The following CYP7B1 variants were observed in gnomAD, a reference collection of about 807,000 sequenced individuals.
CYP7B1 encodes the protein cytochrome P450 family 7 subfamily B member 1.
Under a neutral mutation model 42.7 loss-of-function variants are expected in CYP7B1, and 29 were observed. The observed-to-expected ratio is 0.68, with a 90% CI of 0.51 to 0.93. CYP7B1 has a LOEUF of 0.93. Among genes scored for constraint, CYP7B1 ranks in the 40% least tolerant of loss-of-function variants. The pLI is 0.00. For synonymous variants in CYP7B1, 235 were observed against 218.2 expected, an observed-to-expected ratio of 1.08 and a Z score of -0.68; for missense variants, 655 against 600.5, an observed-to-expected ratio of 1.09 and a Z score of -0.95.
chr8:64,599,741 G>T (rs752270689), intron 5 of CYP7B1, among the ~76,000 whole-genome samples: 6 of 152,170 alleles, frequency 3.9e-5, no homozygotes, highest in Non-Finnish European at 7.4e-5. Context: ...GAAACAATCT[G>T]GTGAGTGCTA....
Position 64,593,522 on chromosome 8 carries a change from G to A in CYP7B1, c.*3120C>T, listed in dbSNP as rs75630384. On this transcript the variant is annotated 3_prime_UTR_variant, in exon 6 of 6. Coordinates refer to ENST00000310193, the MANE Select transcript of CYP7B1 (RefSeq NM_004820.5). Reference sequence around the variant, plus strand: ...CTAGAAACCACAATACCTATGTAGCGTTCCCTCCCCACTCCCAGATAATCA... The same window carrying A: ...CTAGAAACCACAATACCTATGTAGCATTCCCTCCCCACTCCCAGATAATCA... 5.7e-4 allele frequency among the ~76,000 whole-genome samples: 86 copies of A among 152,158 alleles called. No individual in the cohort carries two copies. The highest frequency in any genetic ancestry group is 1.9e-3 in the African/African-American group (77 of 41,492).
chr8:64,660,349 G>A (rs964969540), intron 1 of CYP7B1, among the ~76,000 whole-genome samples: 4 of 152,144 alleles, frequency 2.6e-5, no homozygotes, highest in Non-Finnish European at 4.4e-5. Context: ...ATCTCATGAC[G>A]TCTGTGTGTC....
chr8:64,709,220 T>C (rs1260194556), intron 1 of CYP7B1, among the ~76,000 whole-genome samples: 11 of 152,220 alleles, frequency 7.2e-5, no homozygotes. Flanking sequence ...AGAACCAAAA[T>C]ATAATCAAGC....
intron 1 of CYP7B1, among the ~76,000 whole-genome samples, chr8:64,761,648 G>A (rs1368901919): frequency 6.6e-6 from 1 of 152,028 alleles, no homozygotes; most frequent in Non-Finnish European, 1.5e-5. Context: ...CCAGAGTGCC[G>A]GACACATTCT....
intron 1 of CYP7B1, among the ~76,000 whole-genome samples, chr8:64,764,229 G>GCTCC (rs1554539986): frequency 1.8e-4 from 23 of 125,148 alleles, no homozygotes; most frequent in African/African-American, 7.1e-4. Flanking sequence ...CTTCCACGCT[G>GCTCC]CCCCCCCCAC....
Position 64,764,927 on chromosome 8 carries a change from C to G in CYP7B1, c.122+33539G>C, listed in dbSNP as rs1490671605. On this transcript the variant is annotated intron_variant, in intron 1 of 5. Coordinates refer to ENST00000310193, the MANE Select transcript of CYP7B1 (RefSeq NM_004820.5). ...TAAATCTCAATTACCACACAAAGTT[C>G]CGACCAGACCTAGACAGGACGATAG... Among the ~76,000 whole-genome samples, 10 of 151,818 alleles carry G rather than the reference C, an allele frequency of 6.6e-5. No individual in the cohort carries two copies. In the East Asian group the frequency reaches 1.7e-3, roughly 26 times the overall value.
chr8:64,643,498 C>T (rs183128188), intron 1 of CYP7B1, among the ~76,000 whole-genome samples: 19 of 152,178 alleles, frequency 1.2e-4, no homozygotes, highest in African/African-American at 2.2e-4. Flanking sequence ...GGTCTTGCCT[C>T]GATGTTGATG....
intron 1 of CYP7B1, among the ~76,000 whole-genome samples, chr8:64,649,305 C>T (rs1054762178): frequency 3.3e-5 from 5 of 152,140 alleles, no homozygotes; most frequent in East Asian, 1.9e-4. Flanking sequence ...TGAAATTATA[C>T]AGTATTTGTC....
intron 5 of CYP7B1, among the ~76,000 whole-genome samples, chr8:64,601,542 A>G (rs1200966224): frequency 6.6e-6 from 1 of 152,190 alleles, no homozygotes; most frequent in Non-Finnish European, 1.5e-5. Flanking sequence ...ATCACTATTT[A>G]CTACTGAGCC....
At chr8:64,610,202 A>G (rs1182331571) in intron 4 of CYP7B1, among the ~76,000 whole-genome samples, 4 of 152,076 alleles carry the variant, frequency 2.6e-5, no homozygotes, top group Non-Finnish European at 4.4e-5. Context: ...TTATCTAACC[A>G]CCTTAGCTTT....
chr8:64,644,630 A>C (rs1253027842), intron 1 of CYP7B1, among the ~76,000 whole-genome samples: 5 of 152,184 alleles, frequency 3.3e-5, no homozygotes, highest in Admixed American at 1.3e-4. Context: ...GTTTGAAATA[A>C]ATCTTTTTTC....
At chr8:64,761,328 T>A (rs967481356) in intron 1 of CYP7B1, among the ~76,000 whole-genome samples, 5 of 152,098 alleles carry the variant, frequency 3.3e-5, no homozygotes, top group African/African-American at 1.2e-4. Context: ...AATGACTAGA[T>A]CTTAAATGCT....
chr8:64,791,200 G>A (rs1338207033), intron 1 of CYP7B1, among the ~76,000 whole-genome samples: 1 of 151,890 alleles, frequency 6.6e-6, no homozygotes, highest in African/African-American at 2.4e-5. Context: ...GTTTGTGTGT[G>A]GTATTTTGTT....
At chr8:64,786,473 G>A (rs751722053) in intron 1 of CYP7B1, among the ~76,000 whole-genome samples, 8 of 152,230 alleles carry the variant, frequency 5.3e-5, no homozygotes, top group Non-Finnish European at 1.0e-4. Flanking sequence ...AAACATTAAA[G>A]TTCCAAAATA....
At chr8:64,656,500 A>G (rs1316974651) in intron 1 of CYP7B1, among the ~76,000 whole-genome samples, 1 of 152,206 alleles carries the variant, frequency 6.6e-6, no homozygotes, top group Non-Finnish European at 1.5e-5. Flanking sequence ...GAAAAGCTGT[A>G]TATGCTGTGC....
chr8:64,623,291 A>G (rs1444568567), intron 2 of CYP7B1, among the ~76,000 whole-genome samples: 1 of 152,164 alleles, frequency 6.6e-6, no homozygotes, highest in Non-Finnish European at 1.5e-5. Flanking sequence ...GTTTTGCAAT[A>G]TCTGAGCCTA....
At chr8:64,651,658 G>T (rs1328502366) in intron 1 of CYP7B1, among the ~76,000 whole-genome samples, 1 of 152,188 alleles carries the variant, frequency 6.6e-6, no homozygotes, top group Admixed American at 6.5e-5. Flanking sequence ...CCCATGAATG[G>T]AATTATTGCT....
intron 1 of CYP7B1, among the ~76,000 whole-genome samples, chr8:64,657,049 G>A (rs1806130292): frequency 6.6e-6 from 1 of 151,632 alleles, no homozygotes. Context: ...ACAAATGATT[G>A]GCTTTTATTA....
rs374118839 is a variant in CYP7B1, at chr8:64,732,686, A to G, written c.122+65780T>C. Among the ~76,000 whole-genome samples the G allele has an allele frequency of 2.6e-5, 4 of 152,190 alleles. No homozygotes were observed. The East Asian group carries it at 5.8e-4, about 22-fold the overall frequency. Reference sequence around the variant, plus strand: ...GATATGGTCTGGCTCTGTGTCCCCAATCCAAATCTCATCTTGATTTGTAAT... The same window carrying G: ...GATATGGTCTGGCTCTGTGTCCCCAGTCCAAATCTCATCTTGATTTGTAAT... On this transcript the variant is annotated intron_variant, in intron 1 of 5. Coordinates refer to ENST00000310193, the MANE Select transcript of CYP7B1 (RefSeq NM_004820.5).
Sources: gnomAD v4.1 joint callset for allele counts (sites outside exome capture counted in the v4.1 genomes callset) on GRCh38, gnomAD v4.1.1 for gene constraint, MANE v1.5 for transcripts, NCBI Gene and HGNC (gene_info 2026-07-23, HGNC 2026-07-21) for gene names.